The following UNC13C variants were observed in gnomAD, a reference collection of about 807,000 sequenced individuals.
UNC13C encodes the protein unc-13 homolog C.
In UNC13C, 174 loss-of-function variants were observed where a neutral mutation model predicts 245.4. The observed-to-expected ratio is 0.71, with a 90% CI of 0.63 to 0.80. The LOEUF (loss-of-function observed/expected upper bound fraction) is 0.80. Ranked by LOEUF, UNC13C falls within the 30% of genes least tolerant of loss-of-function variation. The pLI, the probability that UNC13C is intolerant of heterozygous loss-of-function variation, is 0.00. For synonymous variants in UNC13C, 992 were observed against 895.1 expected, an observed-to-expected ratio of 1.11 and a Z score of -1.93; for missense variants, 2,829 against 2,602.9, an observed-to-expected ratio of 1.09 and a Z score of -1.89.
intron 1 of UNC13C, among the ~76,000 whole-genome samples, chr15:53,989,699 C>T (rs1273977098): frequency 1.3e-5 from 2 of 151,970 alleles, no homozygotes; most frequent in Admixed American, 1.3e-4. Context: ...GTGCTAAATG[C>T]CTTTGTAAAG....
rs116442983 is a variant in UNC13C, at chr15:54,034,744, A to T, written c.2983+18858A>T. Among the ~76,000 whole-genome samples, 672 of 152,342 alleles carry T rather than the reference A, an allele frequency of 4.4e-3. 5 individuals are homozygous for T. The highest frequency in any genetic ancestry group is 0.016 in the African/African-American group (647 of 41,578). On this transcript the variant is annotated intron_variant, in intron 2 of 32. Coordinates refer to ENST00000260323, the MANE Select transcript of UNC13C (RefSeq NM_001080534.3). ...TTTGTGAACTGTTTAAGATGTTTTGAAAGATAATTTTGACTACATGATCTT... is the reference window on the plus strand; with the variant it reads ...TTTGTGAACTGTTTAAGATGTTTTGTAAGATAATTTTGACTACATGATCTT...
chr15:54,299,469 A>C (rs1425699647), intron 12 of UNC13C, among the ~76,000 whole-genome samples: 1 of 152,164 alleles, frequency 6.6e-6, no homozygotes, highest in African/African-American at 2.4e-5. Context: ...CATCCAGGGC[A>C]CTATAATTTA....
chr15:54,255,911 A>G (rs2036267334), intron 8 of UNC13C, among the ~76,000 whole-genome samples: 1 of 152,230 alleles, frequency 6.6e-6, no homozygotes, highest in Non-Finnish European at 1.5e-5. Flanking sequence ...ACCCAAAGGA[A>G]TAGACTAATA....
the UNC13C span, among the ~76,000 whole-genome samples, chr15:53,887,420 A>T: frequency 6.6e-6 from 1 of 152,172 alleles, no homozygotes; most frequent in Non-Finnish European, 1.5e-5. Flanking sequence ...AAACCATTAT[A>T]TTAAGTGTAA....
chr15:54,525,439 A>T (rs948815816), intron 24 of UNC13C, 110 bp from the exon 25 acceptor site: 17 of 616,246 alleles, frequency 2.8e-5, no homozygotes, highest in South Asian at 1.8e-4. Flanking sequence ...AAGAGAAAAA[A>T]GCTTACATGT....
chr15:54,182,235 A>G (rs527321979), intron 4 of UNC13C, among the ~76,000 whole-genome samples: 2 of 152,000 alleles, frequency 1.3e-5, no homozygotes, highest in East Asian at 3.9e-4. Flanking sequence ...TAAGTTTTTT[A>G]TACTGAAGGG....
intron 2 of UNC13C, among the ~76,000 whole-genome samples, chr15:54,066,467 G>A (rs1271488509): frequency 6.6e-6 from 1 of 152,128 alleles, no homozygotes; most frequent in Non-Finnish European, 1.5e-5. Context: ...GGAAATCCAT[G>A]GTCAAATTCA....
intron 30 of UNC13C, among the ~76,000 whole-genome samples, chr15:54,595,818 G>C (rs1250303898): frequency 6.6e-6 from 1 of 152,204 alleles, no homozygotes; most frequent in Non-Finnish European, 1.5e-5. Flanking sequence ...TATCTGGACA[G>C]ATTCGATTTT....
intron 26 of UNC13C, among the ~76,000 whole-genome samples, chr15:54,534,780 A>G (rs190481983): frequency 5.9e-5 from 9 of 152,288 alleles, no homozygotes; most frequent in Admixed American, 2.0e-4. Context: ...AGAATTTCCT[A>G]ATATAATCAG....
intron 29 of UNC13C, among the ~76,000 whole-genome samples, chr15:54,557,773 G>C (rs1004584080): frequency 6.6e-6 from 1 of 151,976 alleles, no homozygotes; most frequent in African/African-American, 2.4e-5. Flanking sequence ...GAAGTTTTTA[G>C]AATATAGGCT....
intron 24 of UNC13C, among the ~76,000 whole-genome samples, chr15:54,519,030 T>C (rs1895102042): frequency 6.6e-6 from 1 of 152,154 alleles, no homozygotes; most frequent in African/African-American, 2.4e-5. Context: ...GGAAATAGCT[T>C]CTAAGAATGC....
rs1421694429 is a variant in UNC13C at position 54,136,847 on chromosome 15, T to C, written c.2984-6171T>C. Among the ~76,000 whole-genome samples, 18 of 2,602 alleles carry C rather than the reference T, an allele frequency of 6.9e-3. No homozygotes were observed. In the East Asian group the frequency reaches 0.19, roughly 27 times the overall value. The allele number at this position is 2,602 out of a possible 152,430, so 1.7% of individuals were successfully genotyped here. ...CATTCTTTTATTTTTGTGTATCACT[T>C]TTTTTTTTTTAACTTTAAGACAGGG... On this transcript the variant is annotated intron_variant, in intron 2 of 32. Coordinates refer to ENST00000260323, the MANE Select transcript of UNC13C (RefSeq NM_001080534.3).
chr15:53,976,777 G>T (rs1184935622), upstream of UNC13C: 1 of 151,894 alleles, frequency 6.6e-6, no homozygotes, highest in Non-Finnish European at 1.5e-5. Flanking sequence ...CCTTATTCTG[G>T]GTGCTAGGGT....
intron 6 of UNC13C, 93 bp from the exon 7 acceptor site, chr15:54,237,526 T>C: frequency 1.1e-6 from 1 of 907,936 alleles, no homozygotes; most frequent in Non-Finnish European, 1.8e-6. Flanking sequence ...TGAACAGTGA[T>C]AGCCCATATT....
At chr15:54,350,239 C>T (rs1281683087) in intron 17 of UNC13C, among the ~76,000 whole-genome samples, 1 of 152,198 alleles carries the variant, frequency 6.6e-6, no homozygotes, top group Non-Finnish European at 1.5e-5. Context: ...ATCCGCCTGC[C>T]TCGGCCTCCC....
At chr15:54,245,140 T>C (rs1259932151) in intron 7 of UNC13C, among the ~76,000 whole-genome samples, 2 of 152,150 alleles carry the variant, frequency 1.3e-5, no homozygotes, top group Admixed American at 6.6e-5. Flanking sequence ...TAGAAATCCA[T>C]AGTATTTTTA....
At chr15:54,062,515 A>G (rs1303939722) in intron 2 of UNC13C, among the ~76,000 whole-genome samples, 1 of 152,176 alleles carries the variant, frequency 6.6e-6, no homozygotes, top group African/African-American at 2.4e-5. Flanking sequence ...AAGCAAAATG[A>G]AACTGGTCCT....
chr15:53,936,056 C>T, the UNC13C span, among the ~76,000 whole-genome samples: 1 of 152,300 alleles, frequency 6.6e-6, no homozygotes, highest in East Asian at 1.9e-4. Flanking sequence ...TCCCGTGGCA[C>T]CTCACAAGTT....
chr15:54,323,394 T>G (rs1057084414), intron 14 of UNC13C, among the ~76,000 whole-genome samples: 18 of 152,054 alleles, frequency 1.2e-4, no homozygotes, highest in African/African-American at 4.3e-4. Flanking sequence ...TTATGCAGTT[T>G]CACTTTTTGT....
Sources: gnomAD v4.1 joint callset for allele counts (sites outside exome capture counted in the v4.1 genomes callset) on GRCh38, gnomAD v4.1.1 for gene constraint, MANE v1.5 for transcripts, NCBI Gene and HGNC (gene_info 2026-07-23, HGNC 2026-07-21) for gene names.